Variants in NCSTN observed in about 807,000 individuals in gnomAD.
NCSTN encodes anterior pharynx-defective 2.
Under a neutral mutation model 87.0 loss-of-function variants are expected in NCSTN, and 22 were observed. The ratio of observed to expected loss-of-function variants is 0.25; its 90% confidence interval spans 0.18 to 0.36. NCSTN has a LOEUF of 0.36. NCSTN is among the 10% of genes least tolerant of loss of function. The pLI, the probability that NCSTN is intolerant of heterozygous loss-of-function variation, is 1.00. For missense variants in NCSTN, 693 were observed against 883.3 expected (o/e 0.78, Z 2.73); for synonymous variants, 306 against 327.1 (o/e 0.94, Z 0.69).
intron 6 of NCSTN, 97 bp downstream of exon 6, chr1:160,351,469 G>A: frequency 6.9e-7 from 1 of 1,456,278 alleles, no homozygotes; most frequent in Non-Finnish European, 9.5e-7. Flanking sequence ...TAGGGAAGGA[G>A]TAGACACCAT....
rs1431355368 is a variant in NCSTN, at chr1:160,358,414, A to G, written c.*143A>G. The G allele has an allele frequency of 9.1e-7, 1 of 1,096,494 alleles. No homozygotes were observed. The highest frequency in any genetic ancestry group is 1.4e-6 in the Non-Finnish European group (1 of 737,218). The allele number at this position is 1,096,494 out of a possible 1,614,324, so 67.9% of individuals were successfully genotyped here. On this transcript the variant is annotated 3_prime_UTR_variant, in exon 17 of 17. Transcript: ENST00000294785. ...TAACATAAAAGAGTGGAACTATCCAAAAGAGACAGGGAGAAATAAATAAAT... is the reference window on the plus strand; with the variant it reads ...TAACATAAAAGAGTGGAACTATCCAGAAGAGACAGGGAGAAATAAATAAAT...
chr1:160,350,712 T>TA (rs11414346), intron 5 of NCSTN, among the ~76,000 whole-genome samples: 11,888 of 147,928 alleles, frequency 0.08, 1,494 homozygotes, highest in African/African-American at 0.27. Flanking sequence ...CTAGTATCGT[T>TA]AAAAAAAAAA....
chr1:160,354,503 G>T (rs1649034320), intron 11 of NCSTN, among the ~76,000 whole-genome samples: 1 of 152,108 alleles, frequency 6.6e-6, no homozygotes, highest in African/African-American at 2.4e-5. Flanking sequence ...CTCACCCTTA[G>T]CCCTTTACTG....
Position 160,350,176 on chromosome 1 carries a change from G to A in NCSTN, c.508G>A (p.Gly170Ser). The A allele has an allele frequency of 1.2e-6, 2 of 1,614,096 alleles. No homozygotes were observed. Among genetic ancestry groups the A allele is most frequent in the Non-Finnish European group, 1.7e-6 (2 of 1,179,998 alleles). Residue 170 changes from glycine (G) to serine (S), a missense_variant, in exon 5 of 17, where the codon GGT (glycine) becomes AGT (serine). By Grantham distance (56) the Gly-to-Ser change is moderately conservative. Coordinates refer to ENST00000294785, the MANE Select transcript of NCSTN (RefSeq NM_015331.3). The stretch of plus-strand genomic sequence containing the variant: ...AATACAGTGGAATTCGCTGGGCAAT[G>A]GTTTGGCTTATGAAGACTTTAGTTT... ...REIQWNSLGN[G>S]LAYEDFSFPI... is the part of the protein sequence containing the mutation.
intron 16 of NCSTN, 88 bp downstream of exon 16, chr1:160,357,341 T>G (rs1270174471): frequency 1.5e-6 from 2 of 1,328,470 alleles, no homozygotes; most frequent in Non-Finnish European, 2.1e-6. Flanking sequence ...CCATCTCCCA[T>G]TTGCCCCACA....
chr1:160,352,851 T>G (rs781154441), intron 8 of NCSTN, 36 bp from the exon 9 acceptor site: 1 of 1,545,448 alleles, frequency 6.5e-7, no homozygotes, highest in South Asian at 1.1e-5. Flanking sequence ...CCCTTTGGAA[T>G]CTCTGTTCCC....
At chr1:160,356,030 G>A in intron 13 of NCSTN, 72 bp downstream of exon 13, 2 of 1,411,188 alleles carry the variant, frequency 1.4e-6, no homozygotes, top group Non-Finnish European at 1.0e-6. Flanking sequence ...TTGCCCTAGT[G>A]TCCCAAACCT....
At chr1:160,356,972 T>TA in intron 15 of NCSTN, 69 bp from the exon 16 acceptor site, 1 of 1,461,788 alleles carries the variant, frequency 6.8e-7, no homozygotes, top group Non-Finnish European at 9.6e-7. Context: ...ATGGCACTGA[T>TA]AGAGGGTAGA....
chr1:160,344,837 A>T lies in NCSTN; in HGVS notation c.190+11A>T, dbSNP rs200995991. 2 of 1,599,682 alleles carry T rather than the reference A, an allele frequency of 1.3e-6. No individual in the cohort carries two copies. The highest frequency in any genetic ancestry group is 1.7e-6 in the Non-Finnish European group (2 of 1,167,028). ...AGATTGGCTGCCAGTGTGAGTTGAG[A>T]TGGATTCATGTTTGTGGACATTGAT... is the stretch of plus-strand genomic sequence containing the variant. On this transcript the variant is annotated intron_variant, in intron 2 of 16. Coordinates refer to ENST00000294785, the MANE Select transcript of NCSTN (RefSeq NM_015331.3).
At chr1:160,349,468 T>C (rs1388935287) in intron 3 of NCSTN, 81 bp from the exon 4 acceptor site, 4 of 1,567,338 alleles carry the variant, frequency 2.6e-6, no homozygotes, top group Non-Finnish European at 3.5e-6. Flanking sequence ...TAGTTCCCCA[T>C]TTGTTTCCAT....
chr1:160,344,707 T>C lies in NCSTN; in HGVS notation c.86-15T>C, dbSNP rs767675360. 1.6e-5 allele frequency: 25 copies of C among 1,612,746 alleles called. No individual in the cohort carries two copies. The highest frequency in any genetic ancestry group is 2.1e-5 in the Non-Finnish European group (25 of 1,178,992). ...GTCTCTCAAATTTTTCTAACACTTT[T>C]TATCTTCCGATCAGGTTTGTGCAGG... On this transcript the variant is annotated splice_polypyrimidine_tract_variant and intron_variant, in intron 1 of 16. Coordinates refer to ENST00000294785, the MANE Select transcript of NCSTN (RefSeq NM_015331.3).
At chr1:160,343,591 A>AAAT in intron 1 of NCSTN, 110 bp downstream of exon 1, 1 of 977,402 alleles carries the variant, frequency 1.0e-6, no homozygotes, top group South Asian at 1.4e-5. Flanking sequence ...CTGTCCCCCC[A>AAAT]CCCTGTAAAT....
At chr1:160,353,089 A>G in intron 9 of NCSTN, 71 bp from the exon 10 acceptor site, 2 of 1,584,958 alleles carry the variant, frequency 1.3e-6, no homozygotes, top group Non-Finnish European at 1.7e-6. Flanking sequence ...TCTTCCCTTG[A>G]CTTCTATCCC....
At chr1:160,344,701 C>T (rs1648353658) in intron 1 of NCSTN, 21 bp from the exon 2 acceptor site, 1 of 1,612,080 alleles carries the variant, frequency 6.2e-7, no homozygotes, top group Non-Finnish European at 8.5e-7. Context: ...ATTTTTCTAA[C>T]ACTTTTTATC....
rs748015366 is a variant in NCSTN, at chr1:160,351,831, GGGCAGGGCT to G, written c.843+31_843+39del. 5.1e-6 allele frequency: 8 copies of G among 1,560,130 alleles called. No homozygotes were observed. The African/African-American group carries it at 1.1e-4, about 21-fold the overall frequency. ...GTGAGTGTTGGCTTCTGATCAGGATGGGCAGGGCTGGCACAAAAAGAGCTGGTAGGCCCC... is the reference window on the plus strand; with the variant it reads ...GTGAGTGTTGGCTTCTGATCAGGATGGGCACAAAAAGAGCTGGTAGGCCCC... On this transcript the variant is annotated intron_variant, in intron 7 of 16. Coordinates refer to ENST00000294785, the MANE Select transcript of NCSTN (RefSeq NM_015331.3).
intron 2 of NCSTN, 88 bp downstream of exon 2, chr1:160,344,914 T>G: frequency 9.0e-7 from 1 of 1,110,142 alleles, no homozygotes; most frequent in Non-Finnish European, 1.4e-6. Context: ...CTTAGGAGAT[T>G]TGACACTTAT....
intron 2 of NCSTN, 139 bp downstream of exon 2, chr1:160,344,965 A>C (rs1648382719): frequency 3.9e-6 from 3 of 760,300 alleles, no homozygotes; most frequent in Admixed American, 2.0e-5. Context: ...CCGTCTGTCA[A>C]GCTAGGCAAG....
chr1:160,346,551 G>A (rs1335556216), intron 2 of NCSTN, among the ~76,000 whole-genome samples: 1 of 151,988 alleles, frequency 6.6e-6, no homozygotes, highest in African/African-American at 2.4e-5. Flanking sequence ...ACAAAGCACT[G>A]GGAGTAGGTT....
chr1:160,355,188 A>T lies in NCSTN; in HGVS notation c.1353-467A>T, dbSNP rs1030567236. Among the ~76,000 whole-genome samples, 2 of 152,192 alleles carry T rather than the reference A, an allele frequency of 1.3e-5. 1 individual carries two copies. Among genetic ancestry groups the T allele is most frequent in the African/African-American group, 4.8e-5 (2 of 41,438 alleles). The stretch of plus-strand genomic sequence containing the variant: ...TCCTTGGGGCTCCATAAGGATCATC[A>T]TGGTGATTTTATCAGTGTATTCTTA... On this transcript the variant is annotated intron_variant, in intron 11 of 16. Coordinates refer to ENST00000294785, the MANE Select transcript of NCSTN (RefSeq NM_015331.3).
Sources: allele counts gnomAD v4.1 joint callset (sites outside exome capture counted in the v4.1 genomes callset), GRCh38; gene constraint gnomAD v4.1.1; transcripts MANE v1.5; gene names NCBI Gene and HGNC (gene_info 2026-07-23, HGNC 2026-07-21).